GPR137C: variants seen among roughly 807,000 people sequenced by gnomAD.
GPR137C encodes integral membrane protein GPR137C.
Under a neutral mutation model 43.4 loss-of-function variants are expected in GPR137C, and 27 were observed. The ratio of observed to expected loss-of-function variants is 0.62; its 90% CI spans 0.46 to 0.86. GPR137C has a LOEUF of 0.86. GPR137C is among the 40% of genes least tolerant of loss of function. The pLI, the probability that GPR137C is intolerant of heterozygous loss-of-function variation, is 0.00. For missense variants in GPR137C, 522 were observed against 534.6 expected (o/e 0.98, Z 0.23); for synonymous variants, 285 against 226.9 (o/e 1.26, Z -2.30).
At chr14:52,611,652 A>T (rs1230135969) in intron 3 of GPR137C, 6 of 547,194 alleles carry the variant, frequency 1.1e-5, no homozygotes, top group Admixed American at 6.4e-5. Flanking sequence ...AGGTTTCAGG[A>T]TATAAATGTA....
At chr14:52,621,183 T>G (rs1414086149) in intron 3 of GPR137C, among the ~76,000 whole-genome samples, 1 of 151,596 alleles carries the variant, frequency 6.6e-6, no homozygotes, top group African/African-American at 2.4e-5. Flanking sequence ...ATTATAGAAT[T>G]ACATAAAGGG....
At chr14:52,576,615 A>G (rs1220676788) in intron 1 of GPR137C, among the ~76,000 whole-genome samples, 2 of 152,210 alleles carry the variant, frequency 1.3e-5, no homozygotes, top group Admixed American at 1.3e-4. Flanking sequence ...CTCCACTTAC[A>G]TCACTATATA....
At chr14:52,590,360 TAAA>T (rs1053912844) in intron 1 of GPR137C, among the ~76,000 whole-genome samples, 3 of 152,232 alleles carry the variant, frequency 2.0e-5, no homozygotes, top group African/African-American at 7.2e-5. Flanking sequence ...GTCAAAAACT[TAAA>T]AAGTGTATAA....
intron 2 of GPR137C, 74 bp downstream of exon 2, chr14:52,598,389 T>G: frequency 1.6e-6 from 1 of 617,544 alleles, no homozygotes; most frequent in Non-Finnish European, 2.8e-6. Flanking sequence ...AGGCTTAGTA[T>G]CTAAAAGATC....
chr14:52,599,996 C>T, intron 2 of GPR137C, 117 bp from the exon 3 acceptor site: 1 of 665,492 alleles, frequency 1.5e-6, no homozygotes, highest in Non-Finnish European at 2.6e-6. Flanking sequence ...AAATCTATGC[C>T]ATTCATAAAC....
Position 52,552,954 on chromosome 14 carries a change from G to C in GPR137C, c.-194G>C, listed in dbSNP as rs1439511787. Among the ~76,000 whole-genome samples, 2 of 151,650 alleles carry C rather than the reference G, an allele frequency of 1.3e-5. No homozygotes were observed. Among genetic ancestry groups the C allele is most frequent in the Non-Finnish European group, 2.9e-5 (2 of 67,830 alleles). On this transcript the variant is annotated 5_prime_UTR_variant, in exon 1 of 7. Transcript: ENST00000321662. ...GGAGGAGCCGAGACCCCCGGGGGGT[G>C]GGGGGAAAGAGGAGGCGGGGTCCGG...
intron 1 of GPR137C, among the ~76,000 whole-genome samples, chr14:52,568,933 C>G (rs1240710861): frequency 3.3e-5 from 5 of 152,244 alleles, no homozygotes; most frequent in East Asian, 1.9e-4. Flanking sequence ...CAGCACAGCG[C>G]TTGAGCTCTG....
chr14:52,631,092 G>A (rs999720686), intron 3 of GPR137C, among the ~76,000 whole-genome samples: 3 of 152,138 alleles, frequency 2.0e-5, no homozygotes, highest in Admixed American at 6.6e-5. Flanking sequence ...CACATTCTAT[G>A]TGTTTGTGGA....
chr14:52,580,403 C>T (rs1343329532), intron 1 of GPR137C, among the ~76,000 whole-genome samples: 1 of 152,066 alleles, frequency 6.6e-6, no homozygotes, highest in South Asian at 2.1e-4. Context: ...CACCCTGTAG[C>T]CCAAGCTGGA....
chr14:52,557,498 G>A (rs972807085), intron 1 of GPR137C, among the ~76,000 whole-genome samples: 2 of 152,146 alleles, frequency 1.3e-5, no homozygotes, highest in Admixed American at 6.5e-5. Context: ...GTCAGTTACT[G>A]TTTACCAGAA....
Position 52,605,614 on chromosome 14 carries a change from T to TA in GPR137C, c.717+5274dup, listed in dbSNP as rs2038975504. On this transcript the variant is annotated intron_variant, in intron 3 of 6. Transcript: ENST00000321662. ...TAAAAGTGGTGAAAGTGGGCATCCT[T>TA]ATGTTGTTCCAGATTTTAGTGGAAA... Among the ~76,000 whole-genome samples the TA allele has an allele frequency of 3.3e-5, 5 of 152,222 alleles. No individual in the cohort carries two copies. In the South Asian group the frequency reaches 1.0e-3, roughly 31 times the overall value.
At chr14:52,586,046 CAG>C (rs928736856) in intron 1 of GPR137C, among the ~76,000 whole-genome samples, 16 of 152,280 alleles carry the variant, frequency 1.1e-4, no homozygotes, top group African/African-American at 3.9e-4. Context: ...AAAACAGAGA[CAG>C]AGATAGACAT....
intron 1 of GPR137C, among the ~76,000 whole-genome samples, chr14:52,575,190 A>G (rs1305561538): frequency 6.6e-6 from 1 of 152,084 alleles, no homozygotes; most frequent in African/African-American, 2.4e-5. Context: ...TTTTCTTCTC[A>G]CCCATAAATT....
At chr14:52,631,663 C>T (rs1458621292) in intron 3 of GPR137C, among the ~76,000 whole-genome samples, 1 of 151,982 alleles carries the variant, frequency 6.6e-6, no homozygotes, top group East Asian at 1.9e-4. Context: ...AGAACATTTG[C>T]CATCAACACT....
At chr14:52,628,515 G>T (rs895479141) in intron 3 of GPR137C, among the ~76,000 whole-genome samples, 1 of 152,176 alleles carries the variant, frequency 6.6e-6, no homozygotes, top group Non-Finnish European at 1.5e-5. Context: ...TTCTCATCAG[G>T]CTGGGCATGG....
At chr14:52,606,121 A>G (rs1170817887) in intron 3 of GPR137C, among the ~76,000 whole-genome samples, 1 of 152,172 alleles carries the variant, frequency 6.6e-6, no homozygotes, top group Non-Finnish European at 1.5e-5. Flanking sequence ...CAGAATTGGT[A>G]TTAGTTCTTC....
At chr14:52,625,487 A>C (rs567133380) in intron 3 of GPR137C, among the ~76,000 whole-genome samples, 5 of 147,534 alleles carry the variant, frequency 3.4e-5, no homozygotes, top group Admixed American at 3.4e-4. Flanking sequence ...ATCCCAAAAA[A>C]AAAAAAAAGA....
intron 1 of GPR137C, among the ~76,000 whole-genome samples, chr14:52,562,400 A>G (rs1160049279): frequency 6.6e-6 from 1 of 152,212 alleles, no homozygotes; most frequent in Non-Finnish European, 1.5e-5. Flanking sequence ...TTAAATTTTA[A>G]ATAACTGGGA....
chr14:52,554,181 A>T (rs1304699336), intron 1 of GPR137C, among the ~76,000 whole-genome samples: 1 of 152,200 alleles, frequency 6.6e-6, no homozygotes, highest in African/African-American at 2.4e-5. Flanking sequence ...TCAATAACCA[A>T]TGCTGAGGAT....
Sources: gnomAD v4.1 joint callset for allele counts (sites outside exome capture counted in the v4.1 genomes callset) on GRCh38, gnomAD v4.1.1 for gene constraint, MANE v1.5 for transcripts, NCBI Gene and HGNC (gene_info 2026-07-23, HGNC 2026-07-21) for gene names.